Variants in RAB1A observed in about 807,000 individuals in gnomAD.
RAB1A encodes ras-related protein Rab-1A.
Under a neutral mutation model 26.0 loss-of-function variants are expected in RAB1A, and 2 were observed. The observed-to-expected ratio is 0.08, with a 90% confidence interval of 0.03 to 0.24. The LOEUF is 0.24. Among genes scored for constraint, RAB1A ranks in the 10% least tolerant of loss-of-function variants. The pLI is 1.00. For missense variants in RAB1A, 100 were observed against 247.0 expected (o/e 0.40, Z 3.99); for synonymous variants, 84 against 84.9 (o/e 0.99, Z 0.06).
At chr2:65,100,390 G>A (rs77255058) in intron 2 of RAB1A, among the ~76,000 whole-genome samples, 1 of 119,936 alleles carries the variant, frequency 8.3e-6, no homozygotes, top group East Asian at 2.4e-4. Flanking sequence ...GACAAGGCAT[G>A]TCTCTGTCTC....
At chr2:65,111,421 T>C (rs1669690977) in intron 1 of RAB1A, among the ~76,000 whole-genome samples, 1 of 151,142 alleles carries the variant, frequency 6.6e-6, no homozygotes, top group Non-Finnish European at 1.5e-5. Context: ...ACGGACATTC[T>C]ATAAAATACC....
chr2:65,115,654 C>T (rs1007946177), intron 1 of RAB1A, among the ~76,000 whole-genome samples: 2 of 152,024 alleles, frequency 1.3e-5, no homozygotes, highest in South Asian at 4.1e-4. Context: ...TGACCAATTA[C>T]CAGAAATCTG....
intron 3 of RAB1A, 73 bp downstream of exon 3, chr2:65,097,898 T>C: frequency 1.2e-6 from 1 of 809,924 alleles, no homozygotes; most frequent in Non-Finnish European, 1.9e-6. Context: ...GCATAGTAAA[T>C]ATATACAAAA....
At chr2:65,121,905 T>C (rs1314629635) in intron 1 of RAB1A, among the ~76,000 whole-genome samples, 1 of 152,150 alleles carries the variant, frequency 6.6e-6, no homozygotes, top group Admixed American at 6.6e-5. Flanking sequence ...ACGCCTGTAA[T>C]CCTAGCACTT....
chr2:65,119,841 CAAA>C (rs1178958164), intron 1 of RAB1A, among the ~76,000 whole-genome samples: 145 of 36,380 alleles, frequency 4.0e-3, no homozygotes, highest in African/African-American at 0.014. Context: ...CCTGTCTCTA[CAAA>C]AAAAAAAAAA....
chr2:65,104,012 T>C (rs896551879), intron 2 of RAB1A, among the ~76,000 whole-genome samples: 3 of 152,128 alleles, frequency 2.0e-5, no homozygotes, highest in African/African-American at 7.2e-5. Context: ...TCTCTTGACC[T>C]TGTGATCCGC....
chr2:65,128,222 GA>G (rs980688059), intron 1 of RAB1A, among the ~76,000 whole-genome samples: 14 of 151,552 alleles, frequency 9.2e-5, no homozygotes, highest in African/African-American at 3.4e-4. Flanking sequence ...TTACAAAAGG[GA>G]AAAAAAATTC....
At chr2:65,092,857 G>A (rs1026052032) in intron 3 of RAB1A, among the ~76,000 whole-genome samples, 4 of 152,140 alleles carry the variant, frequency 2.6e-5, no homozygotes, top group African/African-American at 4.8e-5. Flanking sequence ...GGATTATGAC[G>A]ACGGTTTCCC....
chr2:65,102,653 T>C (rs911139650), intron 2 of RAB1A, among the ~76,000 whole-genome samples: 13 of 148,008 alleles, frequency 8.8e-5, no homozygotes, highest in African/African-American at 3.2e-4. Flanking sequence ...AATGTCCAGG[T>C]GCAGTAGTTC....
At position 65,086,888 on chromosome 2, in the gene RAB1A, T is replaced by C. The variant is rs990673548; in HGVS notation, c.*1605A>G. 2.6e-5 allele frequency: 4 copies of C among 152,662 alleles called. No homozygotes were observed. The highest frequency in any genetic ancestry group is 9.6e-5 in the African/African-American group (4 of 41,454). The allele number at this position is 152,662 out of a possible 1,614,324, so 9.5% of individuals were successfully genotyped here. A position where few individuals can be genotyped will look rare whatever the true frequency, so the allele number is the denominator to read the frequency against. ...AACTATGATTTTTATTGTGAAATTT[T>C]CATAGATGGAAAATTGAATATTCTG... On this transcript the variant is annotated 3_prime_UTR_variant, in exon 6 of 6. Transcript: ENST00000409784.
chr2:65,094,835 A>C (rs1669247287), intron 3 of RAB1A, among the ~76,000 whole-genome samples: 1 of 152,196 alleles, frequency 6.6e-6, no homozygotes, highest in South Asian at 2.1e-4. Context: ...AAATGTAAGA[A>C]TAACCCAAAT....
chr2:65,107,638 T>G (rs1573077643), intron 1 of RAB1A, among the ~76,000 whole-genome samples: 1 of 149,122 alleles, frequency 6.7e-6, no homozygotes, highest in Admixed American at 6.8e-5. Context: ...AGTAGGGAGG[T>G]TTTTAAACAG....
intron 2 of RAB1A, among the ~76,000 whole-genome samples, chr2:65,102,716 A>C (rs907172045): frequency 1.3e-5 from 2 of 151,808 alleles, no homozygotes; most frequent in East Asian, 1.9e-4. Flanking sequence ...TCACGAAGTC[A>C]GGAGTTCGAG....
At chr2:65,109,740 A>G (rs1573079577) in intron 1 of RAB1A, among the ~76,000 whole-genome samples, 1 of 152,016 alleles carries the variant, frequency 6.6e-6, no homozygotes, top group African/African-American at 2.4e-5. Flanking sequence ...GAAAAAAAAG[A>G]AACCTATGAA....
intron 3 of RAB1A, among the ~76,000 whole-genome samples, chr2:65,095,028 C>T (rs573039052): frequency 6.6e-4 from 100 of 152,110 alleles, no homozygotes; most frequent in Admixed American, 1.7e-3. Context: ...GGCTTCAGCT[C>T]AATATAAAGA....
chr2:65,114,795 A>G (rs954189814), intron 1 of RAB1A, among the ~76,000 whole-genome samples: 1 of 151,478 alleles, frequency 6.6e-6, no homozygotes, highest in African/African-American at 2.4e-5. Context: ...CAGTGAGCCG[A>G]GATTGCGCCA....
At position 65,087,224 on chromosome 2, in the gene RAB1A, G is replaced by T. The variant is rs1357449163; in HGVS notation, c.*1269C>A. The stretch of plus-strand genomic sequence containing the variant: ...ATTAAAAACCAAACAAAACCCCCTA[G>T]GATCTTGAAGGTCCTATTTCAGAAA... On this transcript the variant is annotated 3_prime_UTR_variant, in exon 6 of 6. Coordinates refer to ENST00000409784, the MANE Select transcript of RAB1A (RefSeq NM_004161.5). 1 of 152,444 alleles carries T rather than the reference G, an allele frequency of 6.6e-6. No homozygotes were observed. Among genetic ancestry groups the T allele is most frequent in the Admixed American group, 6.6e-5 (1 of 15,260 alleles). 9.4% of individuals were successfully genotyped at this position (152,444 alleles called of 1,614,324 possible).
Position 65,087,347 on chromosome 2 carries a change from TAAATTTAGAGCAATC to T in RAB1A, c.*1131_*1145del, listed in dbSNP as rs1669058445. On this transcript the variant is annotated 3_prime_UTR_variant, in exon 6 of 6. Transcript: ENST00000409784. ...TTTTAATTTTTAGGGATATAATTTC[TAAATTTAGAGCAATC>T]AAATTTCCTGCTTCCTATCTTAATG... The T allele has an allele frequency of 6.5e-6, 1 of 152,686 alleles. No homozygotes were observed. Among genetic ancestry groups the T allele is most frequent in the Admixed American group, 6.5e-5 (1 of 15,286 alleles). 9.5% of individuals were successfully genotyped at this position (152,686 alleles called of 1,614,324 possible).
At chr2:65,104,929 C>T in intron 1 of RAB1A, 123 bp from the exon 2 acceptor site, 1 of 859,210 alleles carries the variant, frequency 1.2e-6, no homozygotes, top group African/African-American at 1.7e-5. Context: ...CTATAAAGCC[C>T]ATGCATGGCT....
Sources: gnomAD v4.1 joint callset for allele counts (sites outside exome capture counted in the v4.1 genomes callset) on GRCh38, gnomAD v4.1.1 for gene constraint, MANE v1.5 for transcripts, NCBI Gene and HGNC (gene_info 2026-07-23, HGNC 2026-07-21) for gene names.